ACTL8: variants seen among roughly 807,000 people sequenced by gnomAD.
ACTL8 encodes actin like 8, also known as actin-like protein 8.
ACTL8 carries 3 observed loss-of-function variants against 9.3 expected under a neutral mutation model. The observed-to-expected ratio is 0.32, with a 90% CI of 0.15 to 0.83. The LOEUF (loss-of-function observed/expected upper bound fraction) is 0.83. Ranked by LOEUF, ACTL8 falls within the 40% of genes least tolerant of loss-of-function variation. ACTL8 has a pLI of 0.57. For synonymous variants in ACTL8, 224 were observed against 205.9 expected (o/e 1.09, Z -0.75); for missense variants, 381 against 492.2 (o/e 0.77, Z 2.14).
At chr1:17,824,102 G>A (rs1460767234) in intron 2 of ACTL8, among the ~76,000 whole-genome samples, 1 of 151,682 alleles carries the variant, frequency 6.6e-6, no homozygotes, top group East Asian at 1.9e-4. Flanking sequence ...CTCTGACGGA[G>A]GTGATTTCAG....
At chr1:17,801,342 T>A (rs1174149014) in intron 1 of ACTL8, among the ~76,000 whole-genome samples, 1 of 152,210 alleles carries the variant, frequency 6.6e-6, no homozygotes, top group African/African-American at 2.4e-5. Context: ...TTCTAGATAT[T>A]TAAAGCTGTA....
At position 17,826,998 on chromosome 1, in the gene ACTL8, A is replaced by T. The variant is rs2053729067; in HGVS notation, c.*479A>T. 1 of 153,026 alleles carries T rather than the reference A, an allele frequency of 6.5e-6. No homozygotes were observed. Among genetic ancestry groups the T allele is most frequent in the Admixed American group, 6.5e-5 (1 of 15,328 alleles). 9.5% of individuals were successfully genotyped at this position (153,026 alleles called of 1,614,324 possible). A position where few individuals can be genotyped will look rare whatever the true frequency, so the allele number is the denominator to read the frequency against. The stretch of plus-strand genomic sequence containing the variant: ...AGGCATTGCTGCAGGTGAGCCTGGG[A>T]TGCCCTTGCCACCCGTGGTTGGATC... On this transcript the variant is annotated 3_prime_UTR_variant, in exon 3 of 3. Coordinates refer to ENST00000375406, the MANE Select transcript of ACTL8 (RefSeq NM_030812.3). This position sits in a 1 kb window ranked among gnomAD's most constrained non-coding sequence, Gnocchi z 4.5.
At chr1:17,802,902 T>C (rs1490934315) in intron 1 of ACTL8, among the ~76,000 whole-genome samples, 2 of 152,144 alleles carry the variant, frequency 1.3e-5, no homozygotes, top group African/African-American at 4.8e-5. Flanking sequence ...GGAGGATTGC[T>C]TGAACCCGGA....
chr1:17,771,229 CTTTA>C (rs1290112553), intron 1 of ACTL8, among the ~76,000 whole-genome samples: 4 of 152,072 alleles, frequency 2.6e-5, no homozygotes, highest in South Asian at 2.1e-4. Flanking sequence ...TCCAATAAAA[CTTTA>C]TTTATAGACA....
chr1:17,818,267 G>A (rs1423979530), intron 1 of ACTL8, among the ~76,000 whole-genome samples: 1 of 152,048 alleles, frequency 6.6e-6, no homozygotes, highest in Non-Finnish European at 1.5e-5. Flanking sequence ...CCTTACTTAG[G>A]TATATCCAGA....
rs374550449 is a variant in ACTL8 at position 17,823,193 on chromosome 1, C to T, written c.185C>T (p.Thr62Ile). The change falls in exon 2 of 3, where the codon ACC becomes ATC. Residue 62 changes from threonine to isoleucine, a missense_variant. Thr to Ile is a moderately conservative substitution (Grantham distance 89). Coordinates refer to ENST00000375406, the MANE Select transcript of ACTL8 (RefSeq NM_030812.3). The surrounding 1 kb of genome is among the most constrained non-coding windows in gnomAD (Gnocchi z 5.3). ...GGCATCGACATTTGCCATCCTGACACCTTTAGCTACCCCATCGAGCGGGGC... is the reference window on the plus strand; with the variant it reads ...GGCATCGACATTTGCCATCCTGACATCTTTAGCTACCCCATCGAGCGGGGC... Reference protein sequence around the residue: ...SLGIDICHPDTFSYPIERGRI... With the variant: ...SLGIDICHPDIFSYPIERGRI... 1 of 1,614,190 alleles carries T rather than the reference C, an allele frequency of 6.2e-7. No homozygotes were observed. Among genetic ancestry groups the T allele is most frequent in the Admixed American group, 1.7e-5 (1 of 60,030 alleles).
chr1:17,776,663 G>C (rs2066120044), intron 1 of ACTL8, among the ~76,000 whole-genome samples: 1 of 152,116 alleles, frequency 6.6e-6, no homozygotes, highest in South Asian at 2.1e-4. Context: ...CTGCAAACTT[G>C]GCAGTGTCAC....
rs896071010 is a variant in ACTL8 at position 17,780,416 on chromosome 1, A to G, written c.-25+24912A>G. The stretch of plus-strand genomic sequence containing the variant: ...TCCTAGTTCTCCCACAGTCCAGGCC[A>G]TATTCTTCCTTCCTTGTTCTGCTCA... On this transcript the variant is annotated intron_variant, in intron 1 of 2. Transcript: ENST00000375406. Among the ~76,000 whole-genome samples, 6 of 152,268 alleles carry G rather than the reference A, an allele frequency of 3.9e-5. No homozygotes were observed. In the South Asian group the frequency reaches 1.2e-3, roughly 32 times the overall value.
At chr1:17,812,793 A>ATC (rs1459307742) in intron 1 of ACTL8, among the ~76,000 whole-genome samples, 1 of 151,958 alleles carries the variant, frequency 6.6e-6, no homozygotes, top group Non-Finnish European at 1.5e-5. Flanking sequence ...ACACCTGGCC[A>ATC]TCTCTCTATT....
At chr1:17,772,215 G>T (rs2066087726) in intron 1 of ACTL8, among the ~76,000 whole-genome samples, 2 of 152,290 alleles carry the variant, frequency 1.3e-5, no homozygotes. Context: ...CTAATGTATC[G>T]ATTGCATTGG....
intron 1 of ACTL8, among the ~76,000 whole-genome samples, chr1:17,773,489 T>C (rs1041168475): frequency 6.6e-6 from 1 of 152,138 alleles, no homozygotes; most frequent in African/African-American, 2.4e-5. Context: ...CCAAATACAG[T>C]GGTAGGTGCC....
intron 1 of ACTL8, among the ~76,000 whole-genome samples, chr1:17,769,575 A>C (rs1230695248): frequency 6.6e-6 from 1 of 152,078 alleles, no homozygotes; most frequent in East Asian, 1.9e-4. Context: ...CAGTTTGTCC[A>C]CCAGTAAAAA....
chr1:17,769,112 C>T (rs1319361226), intron 1 of ACTL8, among the ~76,000 whole-genome samples: 1 of 152,150 alleles, frequency 6.6e-6, no homozygotes, highest in East Asian at 1.9e-4. Flanking sequence ...CTACGTCGCC[C>T]AGGCCTGGCC....
chr1:17,762,224 G>C (rs1432339494), intron 1 of ACTL8, among the ~76,000 whole-genome samples: 1 of 152,034 alleles, frequency 6.6e-6, no homozygotes, highest in Non-Finnish European at 1.5e-5. Context: ...CAGAGAGTCC[G>C]AGCCTTCAGA....
chr1:17,775,330 C>G (rs978684826), intron 1 of ACTL8, among the ~76,000 whole-genome samples: 7 of 151,860 alleles, frequency 4.6e-5, no homozygotes, highest in Non-Finnish European at 1.0e-4. Flanking sequence ...CTGATTGACT[C>G]CTGGGGCCTG....
At chr1:17,786,671 C>A (rs979213395) in intron 1 of ACTL8, among the ~76,000 whole-genome samples, 1 of 152,088 alleles carries the variant, frequency 6.6e-6, no homozygotes, top group Non-Finnish European at 1.5e-5. Flanking sequence ...CGTACATATG[C>A]AAATGCCTTT....
chr1:17,803,159 G>T (rs963421415), intron 1 of ACTL8, among the ~76,000 whole-genome samples: 1 of 152,114 alleles, frequency 6.6e-6, no homozygotes. Context: ...GTAATAGTGA[G>T]TGAGTTCTTA....
intron 1 of ACTL8, among the ~76,000 whole-genome samples, chr1:17,779,358 C>G (rs1483995618): frequency 2.6e-5 from 4 of 152,190 alleles, no homozygotes; most frequent in Non-Finnish European, 5.9e-5. Flanking sequence ...GCCTCCCTCC[C>G]CATTAAATTC....
At chr1:17,804,835 C>T (rs1360990502) in intron 1 of ACTL8, among the ~76,000 whole-genome samples, 2 of 151,908 alleles carry the variant, frequency 1.3e-5, no homozygotes, top group Admixed American at 1.3e-4. Flanking sequence ...AGGCTGGTCT[C>T]GAACCCCTGA....
Sources: gnomAD v4.1 joint callset for allele counts (sites outside exome capture counted in the v4.1 genomes callset) on GRCh38, gnomAD v4.1.1 for gene constraint, Gnocchi (gnomAD v3.1) non-coding constraint, MANE v1.5 for transcripts, NCBI Gene and HGNC (gene_info 2026-07-23, HGNC 2026-07-21) for gene names.